Variants in ALK observed in about 807,000 individuals in gnomAD.
The protein encoded by ALK is ALK tyrosine kinase receptor.
In ALK, 74 loss-of-function variants were observed where a neutral mutation model predicts 163.1. That is an observed-to-expected ratio of 0.45 (90% CI 0.38 to 0.55). ALK has a LOEUF of 0.55. ALK is among the 20% of genes least tolerant of loss of function. ALK has a pLI of 0.00. For synonymous variants in ALK, 960 were observed against 843.2 expected (o/e 1.14, Z -2.40); for missense variants, 2,063 against 2,105.3 (o/e 0.98, Z 0.39).
At chr2:29,567,504 ACT>A (rs1350390444) in intron 3 of ALK, among the ~76,000 whole-genome samples, 1 of 151,998 alleles carries the variant, frequency 6.6e-6, no homozygotes, top group African/African-American at 2.4e-5. Context: ...GCTTTTGTCT[ACT>A]CTCTGTTTCT....
At chr2:29,691,222 A>G (rs1215002313) in intron 3 of ALK, among the ~76,000 whole-genome samples, 1 of 152,230 alleles carries the variant, frequency 6.6e-6, no homozygotes, top group African/African-American at 2.4e-5. Context: ...TTACTGAAGC[A>G]GTGGATTTTC....
intron 3 of ALK, among the ~76,000 whole-genome samples, chr2:29,688,590 C>G (rs534264274): frequency 6.6e-6 from 1 of 152,266 alleles, no homozygotes; most frequent in South Asian, 2.1e-4. Flanking sequence ...AGGAAGGGAG[C>G]TCTGGGGAGC....
chr2:29,362,408 G>A (rs1298639542), intron 5 of ALK, among the ~76,000 whole-genome samples: 1 of 152,166 alleles, frequency 6.6e-6, no homozygotes, highest in Non-Finnish European at 1.5e-5. Context: ...TTGCATACAA[G>A]GAGCTGACAG....
chr2:29,546,180 T>C (rs1673548965), intron 3 of ALK, among the ~76,000 whole-genome samples: 1 of 152,224 alleles, frequency 6.6e-6, no homozygotes, highest in Non-Finnish European at 1.5e-5. Flanking sequence ...CTGACCCTGT[T>C]AGATCTCACC....
intron 4 of ALK, among the ~76,000 whole-genome samples, chr2:29,530,490 G>T (rs1373072807): frequency 6.6e-6 from 1 of 152,222 alleles, no homozygotes; most frequent in African/African-American, 2.4e-5. Flanking sequence ...ATGCCTGAGG[G>T]CTCAGAAGCC....
intron 3 of ALK, among the ~76,000 whole-genome samples, chr2:29,674,380 A>G (rs1157400520): frequency 6.6e-6 from 1 of 151,706 alleles, no homozygotes; most frequent in Non-Finnish European, 1.5e-5. Flanking sequence ...AGTTTTTAGC[A>G]TGAAGGGTTG....
intron 4 of ALK, among the ~76,000 whole-genome samples, chr2:29,391,646 T>C (rs1275983743): frequency 2.6e-5 from 4 of 152,104 alleles, no homozygotes; most frequent in Non-Finnish European, 5.9e-5. Flanking sequence ...CCCCTTTTTT[T>C]CTCTCCTCCC....
At chr2:29,220,638 T>TCTTGCTCCTTCCATC (rs1669774881) in intron 23 of ALK, 68 bp downstream of exon 23, 1 of 1,609,080 alleles carries the variant, frequency 6.2e-7, no homozygotes, top group African/African-American at 1.3e-5. Flanking sequence ...GGCTGCCCAC[T>TCTTGCTCCTTCCATC]CTTGCTCCTT....
chr2:29,661,726 G>C (rs1052490073), intron 3 of ALK, among the ~76,000 whole-genome samples: 1 of 152,224 alleles, frequency 6.6e-6, no homozygotes, highest in Admixed American at 6.5e-5. Context: ...TCTGACTCTG[G>C]TCCTTGTGTT....
intron 4 of ALK, among the ~76,000 whole-genome samples, chr2:29,460,579 T>C (rs1671061799): frequency 6.6e-6 from 1 of 152,182 alleles, no homozygotes; most frequent in African/African-American, 2.4e-5. Context: ...TCTGTTCCAG[T>C]GATCTGGGAT....
chr2:29,254,305 C>CTA lies in ALK; in HGVS notation c.2042-3040_2042-3039dup, dbSNP rs765957492. On this transcript the variant is annotated intron_variant, in intron 11 of 28. Transcript: ENST00000389048. ...ATGAATACATATTCTCTCTCTCTCT[C>CTA]TATATATATATATGAATACATATAT... Among the ~76,000 whole-genome samples, 240 of 50,532 alleles carry CTA rather than the reference C, an allele frequency of 4.7e-3. 1 individual carries two copies. Among genetic ancestry groups the CTA allele is most frequent in the African/African-American group, 8.1e-3 (224 of 27,816 alleles). The allele number at this position is 50,532 out of a possible 152,430, so 33.2% of individuals were successfully genotyped here. A position where few individuals can be genotyped will look rare whatever the true frequency, so the allele number is the denominator to read the frequency against.
chr2:29,226,547 AGCTGCT>A (rs1161746820), intron 18 of ALK, among the ~76,000 whole-genome samples: 1 of 151,410 alleles, frequency 6.6e-6, no homozygotes, highest in East Asian at 1.9e-4. Flanking sequence ...GCACATGCAC[AGCTGCT>A]GCTGTAAGGA....
chr2:29,647,755 C>A (rs1676921313), intron 3 of ALK, among the ~76,000 whole-genome samples: 1 of 149,818 alleles, frequency 6.7e-6, no homozygotes, highest in South Asian at 2.1e-4. Context: ...GTAATCCATG[C>A]ACCACGTTCA....
intron 1 of ALK, among the ~76,000 whole-genome samples, chr2:29,919,398 A>G (rs551459821): frequency 2.2e-5 from 3 of 138,612 alleles, no homozygotes; most frequent in Non-Finnish European, 4.7e-5. Flanking sequence ...TGTAAGAGAA[A>G]GGATGAGTCG....
intron 1 of ALK, among the ~76,000 whole-genome samples, chr2:29,860,520 A>C (rs1666253036): frequency 6.6e-6 from 1 of 152,204 alleles, no homozygotes; most frequent in Admixed American, 6.5e-5. Flanking sequence ...CTAAGACTTT[A>C]GACCAAATGG....
At chr2:29,400,909 A>T (rs1669428310) in intron 4 of ALK, among the ~76,000 whole-genome samples, 1 of 151,644 alleles carries the variant, frequency 6.6e-6, no homozygotes, top group Admixed American at 6.6e-5. Flanking sequence ...TGGGAGGCAG[A>T]GGTTGCGGTG....
chr2:29,501,492 T>C (rs1356873951), intron 4 of ALK, among the ~76,000 whole-genome samples: 1 of 152,216 alleles, frequency 6.6e-6, no homozygotes, highest in African/African-American at 2.4e-5. Flanking sequence ...ACTCTTCCCG[T>C]GGCCTCCTTT....
intron 5 of ALK, among the ~76,000 whole-genome samples, chr2:29,336,063 A>G (rs1161990866): frequency 1.3e-5 from 2 of 151,998 alleles, no homozygotes; most frequent in Non-Finnish European, 2.9e-5. Context: ...AACAACAACA[A>G]CAACAACAAA....
chr2:29,209,288 C>T (rs141153174), intron 25 of ALK, among the ~76,000 whole-genome samples: 1 of 152,094 alleles, frequency 6.6e-6, no homozygotes, highest in Non-Finnish European at 1.5e-5. Flanking sequence ...CACCTGTAAT[C>T]CCAGCACTTT....
Sources: gnomAD v4.1 joint callset for allele counts (sites outside exome capture counted in the v4.1 genomes callset) on GRCh38, gnomAD v4.1.1 for gene constraint, MANE v1.5 for transcripts, NCBI Gene and HGNC (gene_info 2026-07-23, HGNC 2026-07-21) for gene names.